The following LYN variants were observed in gnomAD, a reference collection of about 807,000 sequenced individuals.
LYN encodes LYN proto-oncogene, Src family tyrosine kinase.
Under a neutral mutation model 65.0 loss-of-function variants are expected in LYN, and 12 were observed. The observed-to-expected ratio is 0.18, with a 90% confidence interval of 0.12 to 0.30. The LOEUF (loss-of-function observed/expected upper bound fraction) is 0.30. LYN is among the 10% of genes least tolerant of loss of function. LYN has a pLI of 1.00. For synonymous variants in LYN, 222 were observed against 221.2 expected (o/e 1.00, Z -0.03); for missense variants, 380 against 623.2 (o/e 0.61, Z 4.16).
At chr8:55,939,462 A>AAGAG (rs111951441) in intron 1 of LYN, among the ~76,000 whole-genome samples, 15,702 of 148,258 alleles carry the variant, frequency 0.11, 899 homozygotes, top group Middle Eastern at 0.21. Context: ...TTCCCAAGAG[A>AAGAG]AGAGAGAGAG....
At chr8:55,952,944 T>C (rs1305804441) in intron 7 of LYN, among the ~76,000 whole-genome samples, 1 of 152,208 alleles carries the variant, frequency 6.6e-6, no homozygotes, top group African/African-American at 2.4e-5. Context: ...CCCTTTCCTG[T>C]GTAATTGGAG....
At chr8:55,985,964 C>T (rs1046007749) in intron 10 of LYN, among the ~76,000 whole-genome samples, 6 of 151,970 alleles carry the variant, frequency 3.9e-5, no homozygotes, top group Non-Finnish European at 8.8e-5. Context: ...CCCAGGAGTT[C>T]GAGACCCGCC....
intron 1 of LYN, among the ~76,000 whole-genome samples, chr8:55,921,142 C>G (rs1805936729): frequency 6.6e-6 from 1 of 152,216 alleles, no homozygotes; most frequent in Admixed American, 6.5e-5. Context: ...TATTAATCAT[C>G]TATTATAAAC....
chr8:55,909,931 AAT>A (rs1347821527), intron 1 of LYN, among the ~76,000 whole-genome samples: 1 of 149,792 alleles, frequency 6.7e-6, no homozygotes, highest in African/African-American at 2.4e-5. Context: ...TTTTTTGAAA[AAT>A]ATGTATTCAT....
Position 55,947,617 on chromosome 8 carries a change from G to T in LYN, c.179-1G>T, listed in dbSNP as rs1230350310. ...AGGTGTTCTCTTGTGTTCATCTTTA[G>T]ATCCAGAGGAACAAGGAGACATTGT... On this transcript the variant is annotated splice_acceptor_variant, in intron 3 of 12. Transcript: ENST00000519728. LOFTEE classifies it high-confidence loss of function. 6.3e-7 allele frequency: 1 copy of T among 1,598,766 alleles called. No individual in the cohort carries two copies. The highest frequency in any genetic ancestry group is 1.7e-5 in the Admixed American group (1 of 59,984).
chr8:56,010,693 A>C lies in LYN; in HGVS notation c.*583A>C, dbSNP rs1365342203. On this transcript the variant is annotated 3_prime_UTR_variant, in exon 13 of 13. Transcript: ENST00000519728. ...CTACCTCCCAAAATCTGAGACTGTT[A>C]AAACATTTTTCTTCTATGAACACTG... The C allele has an allele frequency of 4.3e-6, 1 of 233,104 alleles. No homozygotes were observed. Among genetic ancestry groups the C allele is most frequent in the African/African-American group, 2.2e-5 (1 of 45,002 alleles). 14.4% of individuals were successfully genotyped at this position (233,104 alleles called of 1,614,324 possible).
chr8:55,929,729 A>G (rs1374004424), intron 1 of LYN, among the ~76,000 whole-genome samples: 2 of 152,220 alleles, frequency 1.3e-5, no homozygotes, highest in Non-Finnish European at 2.9e-5. Context: ...TAAGTATCCT[A>G]CAATACACAG....
At chr8:55,970,578 G>A (rs17812274) in intron 10 of LYN, among the ~76,000 whole-genome samples, 31,249 of 152,022 alleles carry the variant, frequency 0.21, 3,466 homozygotes, top group Middle Eastern at 0.27. Context: ...GAAGTTCTAG[G>A]GAAGACTGGT....
intron 1 of LYN, among the ~76,000 whole-genome samples, chr8:55,882,188 C>T (rs1400392707): frequency 6.6e-6 from 1 of 152,098 alleles, no homozygotes. Flanking sequence ...TAAGATGTTT[C>T]CTGCAAAGGT....
chr8:55,998,554 T>C lies in LYN; in HGVS notation c.1204+55T>C, dbSNP rs563273857. The C allele has an allele frequency of 3.9e-6, 6 of 1,552,372 alleles. No homozygotes were observed. In the East Asian group the frequency reaches 1.4e-4, roughly 35 times the overall value. ...TTATTATTGTGTTTTATTTTGTTTT[T>C]GTCTGTTTTTGACAAAGCAATTACA... On this transcript the variant is annotated intron_variant, in intron 11 of 12. Transcript: ENST00000519728.
intron 10 of LYN, among the ~76,000 whole-genome samples, chr8:55,993,296 C>T (rs1808297038): frequency 6.6e-6 from 1 of 152,160 alleles, no homozygotes; most frequent in Non-Finnish European, 1.5e-5. Flanking sequence ...AGAACTTGGC[C>T]TGGGGAGAGC....
chr8:55,901,750 A>T (rs1027990), intron 1 of LYN, among the ~76,000 whole-genome samples: 1 of 152,048 alleles, frequency 6.6e-6, no homozygotes, highest in African/African-American at 2.4e-5. Context: ...GATATTTCCA[A>T]CGCGGAGCTG....
Position 55,963,829 on chromosome 8 carries a change from A to G in LYN, c.791-2886A>G, listed in dbSNP as rs1379101544. 2.0e-5 allele frequency among the ~76,000 whole-genome samples: 3 copies of G among 152,066 alleles called. No homozygotes were observed. The East Asian group carries it at 5.8e-4, about 29-fold the overall frequency. On this transcript the variant is annotated intron_variant, in intron 8 of 12. Coordinates refer to ENST00000519728, the MANE Select transcript of LYN (RefSeq NM_002350.4). ...TGCAGTTATATGTATCATATAGTTT[A>G]TGTATTTTCATCTATTTTATATCAT...
At chr8:55,956,047 G>T (rs1807098775) in intron 8 of LYN, among the ~76,000 whole-genome samples, 1 of 152,018 alleles carries the variant, frequency 6.6e-6, no homozygotes, top group Non-Finnish European at 1.5e-5. Context: ...GAGTTCAGTT[G>T]CTGGGGCATG....
rs1433026021 is a variant in LYN, at chr8:56,013,524, G to C, written c.*3414G>C. 1 of 152,292 alleles carries C rather than the reference G, an allele frequency of 6.6e-6. No individual in the cohort carries two copies. The highest frequency in any genetic ancestry group is 1.5e-5 in the Non-Finnish European group (1 of 68,144). The allele number at this position is 152,292 out of a possible 1,614,324, so 9.4% of individuals were successfully genotyped here. A position where few individuals can be genotyped will look rare whatever the true frequency, so the allele number is the denominator to read the frequency against. ...GACCTCAGGCGATCCGCCTGCCTCG[G>C]CTTCCCAAAGTGCTGGGATTACAAG... is the stretch of plus-strand genomic sequence containing the variant. On this transcript the variant is annotated 3_prime_UTR_variant, in exon 13 of 13. Coordinates refer to ENST00000519728, the MANE Select transcript of LYN (RefSeq NM_002350.4).
At chr8:55,910,673 T>C (rs1805574272) in intron 1 of LYN, among the ~76,000 whole-genome samples, 1 of 152,186 alleles carries the variant, frequency 6.6e-6, no homozygotes. Flanking sequence ...TTAGACATAA[T>C]TTCTAAGATA....
intron 7 of LYN, 85 bp downstream of exon 7, chr8:55,952,200 CT>C (rs887537018): frequency 3.2e-4 from 345 of 1,068,352 alleles, no homozygotes; most frequent in Non-Finnish European, 4.2e-4. Flanking sequence ...TATATTAAAA[CT>C]TTTTATGCAT....
At chr8:55,887,204 C>T (rs1330075685) in intron 1 of LYN, among the ~76,000 whole-genome samples, 1 of 152,194 alleles carries the variant, frequency 6.6e-6, no homozygotes, top group African/African-American at 2.4e-5. Context: ...CCTGTAATCC[C>T]AGCACTCTGG....
chr8:55,915,053 A>AACCATGGG (rs1443243998), intron 1 of LYN, among the ~76,000 whole-genome samples: 1 of 152,192 alleles, frequency 6.6e-6, no homozygotes, highest in African/African-American at 2.4e-5. Context: ...ATTTTATAAT[A>AACCATGGG]CTTACTGTAT....
Sources: gnomAD v4.1 joint callset for allele counts (sites outside exome capture counted in the v4.1 genomes callset) on GRCh38, gnomAD v4.1.1 for gene constraint, MANE v1.5 for transcripts, NCBI Gene and HGNC (gene_info 2026-07-23, HGNC 2026-07-21) for gene names.